The following SORBS2 variants were observed in gnomAD, a reference collection of about 807,000 sequenced individuals.
SORBS2 encodes the protein sorbin and SH3 domain-containing protein 2.
Under a neutral mutation model 97.7 loss-of-function variants are expected in SORBS2, and 46 were observed. That is an observed-to-expected ratio of 0.47 (90% CI 0.37 to 0.60). The LOEUF (loss-of-function observed/expected upper bound fraction) is 0.60. Among genes scored for constraint, SORBS2 ranks in the 20% least tolerant of loss-of-function variants. The pLI is 0.00. For missense variants in SORBS2, 1,316 were observed against 1,282.3 expected (o/e 1.03, Z -0.40); for synonymous variants, 476 against 473.4 (o/e 1.01, Z -0.07).
intron 2 of SORBS2, among the ~76,000 whole-genome samples, chr4:185,721,704 T>G (rs1192166968): frequency 6.6e-6 from 1 of 152,210 alleles, no homozygotes; most frequent in Non-Finnish European, 1.5e-5. Context: ...CAGATCTTTC[T>G]GCATAGTCAA....
chr4:185,788,332 C>T (rs1273506430), intron 1 of SORBS2, among the ~76,000 whole-genome samples: 7 of 151,916 alleles, frequency 4.6e-5, no homozygotes, highest in Non-Finnish European at 2.9e-5. Context: ...ATGGATTCAG[C>T]GGGGGAAAGA....
chr4:185,690,606 G>A (rs1318230807), intron 2 of SORBS2: 21 of 1,464,058 alleles, frequency 1.4e-5, no homozygotes, highest in Non-Finnish European at 1.7e-5. Flanking sequence ...AAAGTCTTCA[G>A]TTTTCCTGTA....
intron 1 of SORBS2, among the ~76,000 whole-genome samples, chr4:185,818,015 T>C (rs1232106550): frequency 6.6e-6 from 1 of 151,916 alleles, no homozygotes; most frequent in Non-Finnish European, 1.5e-5. Flanking sequence ...AAAATAAAAA[T>C]CCCCAATCCG....
chr4:185,931,572 T>C (rs1428358088), intron 1 of SORBS2, among the ~76,000 whole-genome samples: 1 of 152,086 alleles, frequency 6.6e-6, no homozygotes, highest in Non-Finnish European at 1.5e-5. Flanking sequence ...ATAATCTTGT[T>C]GAAGGCAGGC....
intron 1 of SORBS2, among the ~76,000 whole-genome samples, chr4:185,904,784 A>G (rs2099249761): frequency 1.3e-5 from 2 of 152,200 alleles, no homozygotes; most frequent in South Asian, 4.1e-4. Context: ...AGACTGAACC[A>G]AGTGAGAAGT....
At chr4:185,615,910 T>G (rs975850692) in intron 9 of SORBS2, among the ~76,000 whole-genome samples, 1 of 152,238 alleles carries the variant, frequency 6.6e-6, no homozygotes, top group Non-Finnish European at 1.5e-5. Context: ...TTTGGGTATT[T>G]ATAATTTTAA....
intron 1 of SORBS2, among the ~76,000 whole-genome samples, chr4:185,910,165 C>T (rs1479123136): frequency 1.3e-5 from 2 of 152,032 alleles, no homozygotes; most frequent in South Asian, 4.2e-4. Context: ...CACAAATGAC[C>T]CTGTGTCCTG....
chr4:185,790,474 T>A (rs1454956860), intron 1 of SORBS2, among the ~76,000 whole-genome samples: 1 of 152,186 alleles, frequency 6.6e-6, no homozygotes, highest in East Asian at 1.9e-4. Context: ...TGTGTACTAA[T>A]AGCTTCCTCC....
At chr4:185,648,363 G>A (rs1042853850) in intron 3 of SORBS2, among the ~76,000 whole-genome samples, 6 of 151,988 alleles carry the variant, frequency 3.9e-5, no homozygotes, top group African/African-American at 7.3e-5. Flanking sequence ...TTAGCCGGGC[G>A]TGGTGGCTGG....
rs149092677 is a variant in SORBS2 at position 185,895,883 on chromosome 4, G to A, written c.-338+60313C>T. On this transcript the variant is annotated intron_variant, in intron 1 of 20. Coordinates refer to the SORBS2 transcript ENST00000284776. ...GTTTTCTTTTGAAAATATTATTATC[G>A]GAAAAGTTTGGTCCCAAATTCTCAG... Among the ~76,000 whole-genome samples the A allele has an allele frequency of 7.2e-5, 11 of 152,124 alleles. No individual in the cohort carries two copies. In the East Asian group the frequency reaches 9.7e-4, roughly 13 times the overall value.
intron 1 of SORBS2, among the ~76,000 whole-genome samples, chr4:185,869,724 T>C (rs1022645593): frequency 6.6e-6 from 1 of 152,144 alleles, no homozygotes; most frequent in Non-Finnish European, 1.5e-5. Context: ...GCAAGTGGAG[T>C]GTCTGCCAGA....
At chr4:185,916,779 C>T (rs931274231) in intron 1 of SORBS2, among the ~76,000 whole-genome samples, 14 of 152,310 alleles carry the variant, frequency 9.2e-5, no homozygotes, top group African/African-American at 2.9e-4. Context: ...CAGCCCCCAC[C>T]TCCCCCAACA....
At chr4:185,632,592 A>C (rs1459385503) in intron 4 of SORBS2, among the ~76,000 whole-genome samples, 1 of 152,252 alleles carries the variant, frequency 6.6e-6, no homozygotes, top group Non-Finnish European at 1.5e-5. Flanking sequence ...GAAGAGCCTG[A>C]GAGCATCGGC....
At chr4:185,866,927 C>T (rs79161687) in intron 1 of SORBS2, among the ~76,000 whole-genome samples, 3 of 45,468 alleles carry the variant, frequency 6.6e-5, no homozygotes, top group African/African-American at 1.1e-4. Flanking sequence ...GAGAAAATAA[C>T]ACAGTGCTCT....
At chr4:185,646,723 C>G (rs1026582830) in exon 4 of SORBS2, 1 of 1,613,918 alleles carries the variant, frequency 6.2e-7, no homozygotes, top group African/African-American at 1.3e-5. Context: ...AAAAATACTC[C>G]TTGGCTCAGA....
intron 1 of SORBS2, chr4:185,810,825 A>T (rs2099177970): frequency 6.6e-6 from 1 of 152,218 alleles, no homozygotes; most frequent in Admixed American, 6.5e-5. Flanking sequence ...TGCTGCAAGT[A>T]TGAGCGCAGA....
chr4:185,739,887 T>G (rs1291068866), intron 2 of SORBS2: 1 of 152,602 alleles, frequency 6.6e-6, no homozygotes, highest in Non-Finnish European at 1.5e-5. Flanking sequence ...TGCCACAAAT[T>G]GAACCTAATA....
rs1033784352 is a variant in SORBS2 at position 185,603,307 on chromosome 4, G to GA, written c.2796+8472dup. Among the ~76,000 whole-genome samples, 6 of 151,702 alleles carry GA rather than the reference G, an allele frequency of 4.0e-5. No individual in the cohort carries two copies. The South Asian group carries it at 6.2e-4, about 16-fold the overall frequency. ...TAAAAATAAAACCACAGACAGAAGA[G>GA]AAAAAAAGAGAAATTCTTAGCCTTA... On this transcript the variant is annotated intron_variant, in intron 12 of 14. Transcript: ENST00000418609.
At chr4:185,616,392 G>T (rs931414465) in intron 9 of SORBS2, among the ~76,000 whole-genome samples, 4 of 152,132 alleles carry the variant, frequency 2.6e-5, no homozygotes, top group African/African-American at 9.7e-5. Context: ...GAAGATTCAT[G>T]GAGCTTTACA....
Sources: gnomAD v4.1 joint callset for allele counts (sites outside exome capture counted in the v4.1 genomes callset) on GRCh38, gnomAD v4.1.1 for gene constraint, MANE v1.5 for transcripts, NCBI Gene and HGNC (gene_info 2026-07-23, HGNC 2026-07-21) for gene names.